Variants in MAN1A2 observed in about 807,000 individuals in gnomAD.
MAN1A2 encodes mannosidase alpha class 1A member 2, also known as mannosyl-oligosaccharide 1,2-alpha-mannosidase IB.
MAN1A2 carries 26 observed loss-of-function variants against 75.7 expected under a neutral mutation model. The ratio of observed to expected loss-of-function variants is 0.34; its 90% CI spans 0.25 to 0.48. The LOEUF (loss-of-function observed/expected upper bound fraction) is 0.48. Among genes scored for constraint, MAN1A2 ranks in the 20% least tolerant of loss-of-function variants. MAN1A2 has a pLI of 0.99. For missense variants in MAN1A2, 562 were observed against 775.5 expected, an observed-to-expected ratio of 0.72 and a Z score of 3.27; for synonymous variants, 247 against 264.6, an observed-to-expected ratio of 0.93 and a Z score of 0.65.
At position 117,522,903 on chromosome 1, in the gene MAN1A2, G is replaced by A. The variant is rs751652248; in HGVS notation, c.1872G>A (p.Leu624=). The change falls in exon 13 of 13, where the codon CTG becomes CTA. Residue 624 remains leucine (L), a synonymous_variant. Coordinates refer to ENST00000356554, the MANE Select transcript of MAN1A2 (RefSeq NM_006699.5). The part of the protein sequence containing the change: ...HWVFNTEAHP[L]PVLHLANTTL... ...TGTTTAATACAGAGGCTCACCCTCTGCCTGTGTTACATTTAGCCAACACCA... is the reference window on the plus strand; with the variant it reads ...TGTTTAATACAGAGGCTCACCCTCTACCTGTGTTACATTTAGCCAACACCA... The A allele has an allele frequency of 6.2e-7, 1 of 1,611,872 alleles. No individual in the cohort carries two copies. Among genetic ancestry groups the A allele is most frequent in the Non-Finnish European group, 8.5e-7 (1 of 1,178,600 alleles).
At chr1:117,499,622 C>A in intron 11 of MAN1A2, 68 bp downstream of exon 11, 2 of 1,257,796 alleles carry the variant, frequency 1.6e-6, no homozygotes, top group South Asian at 1.8e-5. Flanking sequence ...ATGCCACATA[C>A]CCTCACCCAT....
chr1:117,492,937 T>C (rs1458584359), intron 8 of MAN1A2, among the ~76,000 whole-genome samples: 1 of 152,060 alleles, frequency 6.6e-6, no homozygotes, highest in Admixed American at 6.6e-5. Context: ...AGAAAAAAGA[T>C]TTTCTAGCAA....
chr1:117,420,540 T>G (rs1248976129), intron 4 of MAN1A2, 29 bp from the exon 5 acceptor site: 3 of 1,483,304 alleles, frequency 2.0e-6, no homozygotes, highest in Non-Finnish European at 2.8e-6. Context: ...ATTACGTATT[T>G]GTGAATGTTT....
chr1:117,404,466 T>G (rs1647548044), intron 2 of MAN1A2, among the ~76,000 whole-genome samples: 1 of 152,174 alleles, frequency 6.6e-6, no homozygotes, highest in Non-Finnish European at 1.5e-5. Flanking sequence ...GGGCTTCAAG[T>G]TTGGCTGAAT....
At chr1:117,455,060 A>G (rs1649536312) in intron 6 of MAN1A2, among the ~76,000 whole-genome samples, 1 of 152,180 alleles carries the variant, frequency 6.6e-6, no homozygotes, top group African/African-American at 2.4e-5. Flanking sequence ...GGTAGGATGT[A>G]AAATGGTAGA....
intron 2 of MAN1A2, among the ~76,000 whole-genome samples, chr1:117,404,653 G>A (rs1647555713): frequency 6.6e-6 from 1 of 152,126 alleles, no homozygotes; most frequent in African/African-American, 2.4e-5. Flanking sequence ...TGTGTAAAAA[G>A]AACTTGATTG....
At chr1:117,469,530 C>T (rs1275508112) in intron 8 of MAN1A2, among the ~76,000 whole-genome samples, 3 of 151,152 alleles carry the variant, frequency 2.0e-5, no homozygotes, top group Non-Finnish European at 3.0e-5. Flanking sequence ...AGACGACCCA[C>T]AGAATGAGAG....
intron 5 of MAN1A2, among the ~76,000 whole-genome samples, chr1:117,424,185 T>A (rs1312115366): frequency 6.6e-6 from 1 of 152,148 alleles, no homozygotes; most frequent in Non-Finnish European, 1.5e-5. Context: ...ATTTATTTAT[T>A]TTTGTTCTTT....
At chr1:117,420,969 AAATT>A (rs1469594234) in intron 5 of MAN1A2, among the ~76,000 whole-genome samples, 1 of 152,112 alleles carries the variant, frequency 6.6e-6, no homozygotes, top group African/African-American at 2.4e-5. Flanking sequence ...AATAAGGACA[AAATT>A]AAATAACAAA....
At chr1:117,439,920 T>TA (rs1318162028) in intron 5 of MAN1A2, among the ~76,000 whole-genome samples, 2 of 152,226 alleles carry the variant, frequency 1.3e-5, no homozygotes. Context: ...GGTAGTAACT[T>TA]ACCAAAATTT....
chr1:117,420,472 C>T (rs1016338596), intron 4 of MAN1A2, 97 bp from the exon 5 acceptor site: 20 of 813,250 alleles, frequency 2.5e-5, no homozygotes, highest in Middle Eastern at 4.7e-4. Context: ...AAATATTTTC[C>T]ACAGGGTGTT....
chr1:117,409,669 T>C (rs1647743745), intron 3 of MAN1A2, among the ~76,000 whole-genome samples: 1 of 152,010 alleles, frequency 6.6e-6, no homozygotes, highest in African/African-American at 2.4e-5. Flanking sequence ...GATGTTGAAG[T>C]CCTCAACTCT....
In MAN1A2 at chr1:117,526,876, C is replaced by CTATATATATA. The variant is rs1368326358; in HGVS notation, c.*3920_*3921insATATATATAT. On this transcript the variant is annotated 3_prime_UTR_variant, in exon 13 of 13. Transcript: ENST00000356554. ...TCTCTCTCTCTCTCTCTCTCTCTCT[C>CTATATATATA]TCTCTATATATATATATATATATAT... 15 of 68,006 alleles carry CTATATATATA rather than the reference C, an allele frequency of 2.2e-4. No homozygotes were observed. Among genetic ancestry groups the CTATATATATA allele is most frequent in the African/African-American group, 2.9e-4 (5 of 17,012 alleles). 4.2% of individuals were successfully genotyped at this position (68,006 alleles called of 1,614,324 possible). A position where few individuals can be genotyped will look rare whatever the true frequency, so the allele number is the denominator to read the frequency against.
chr1:117,374,419 G>T (rs1653076488), intron 1 of MAN1A2, among the ~76,000 whole-genome samples: 1 of 152,050 alleles, frequency 6.6e-6, no homozygotes, highest in Non-Finnish European at 1.5e-5. Flanking sequence ...CACTGCTATT[G>T]AATTTTTGCT....
chr1:117,439,812 A>T (rs780780963), intron 5 of MAN1A2, among the ~76,000 whole-genome samples: 1 of 152,040 alleles, frequency 6.6e-6, no homozygotes, highest in African/African-American at 2.4e-5. Flanking sequence ...CGTTACTTAT[A>T]CTTTAAAGCT....
At chr1:117,519,476 T>A (rs1651810841) in intron 12 of MAN1A2, among the ~76,000 whole-genome samples, 1 of 151,828 alleles carries the variant, frequency 6.6e-6, no homozygotes, top group Admixed American at 6.6e-5. Flanking sequence ...TTAACCTCAT[T>A]AAGAAACAAA....
Position 117,475,268 on chromosome 1 carries a change from C to T in MAN1A2, c.1168+8841C>T, listed in dbSNP as rs75459953. 7.9e-3 allele frequency among the ~76,000 whole-genome samples: 1,195 copies of T among 151,910 alleles called. 12 individuals are homozygous for T. Among genetic ancestry groups the T allele is most frequent in the African/African-American group, 0.027 (1,124 of 41,454 alleles). On this transcript the variant is annotated intron_variant, in intron 8 of 12. Transcript: ENST00000356554. ...AAGTTGTTTTCCAGAGTACATATACCATTTTACATTGCTATCAGTAGTGTT... is the reference window on the plus strand; with the variant it reads ...AAGTTGTTTTCCAGAGTACATATACTATTTTACATTGCTATCAGTAGTGTT...
intron 1 of MAN1A2, among the ~76,000 whole-genome samples, chr1:117,380,035 T>G (rs1473433353): frequency 2.0e-5 from 3 of 152,172 alleles, no homozygotes; most frequent in Middle Eastern, 3.2e-3. Context: ...CGTATGATAA[T>G]TCTATGCTTA....
At chr1:117,499,835 C>T (rs917473586) in intron 11 of MAN1A2, among the ~76,000 whole-genome samples, 4 of 150,712 alleles carry the variant, frequency 2.7e-5, no homozygotes, top group Non-Finnish European at 5.9e-5. Context: ...AAGTGGTTTA[C>T]TCTTAAAGTC....
Sources: gnomAD v4.1 joint callset for allele counts (sites outside exome capture counted in the v4.1 genomes callset) on GRCh38, gnomAD v4.1.1 for gene constraint, MANE v1.5 for transcripts, NCBI Gene and HGNC (gene_info 2026-07-23, HGNC 2026-07-21) for gene names.